Variants in BMS1 observed in about 807,000 individuals in gnomAD.
BMS1 encodes the protein BMS1 ribosome biogenesis factor.
In BMS1, 53 loss-of-function variants were observed where a neutral mutation model predicts 138.7. The ratio of observed to expected loss-of-function variants is 0.38; its 90% confidence interval spans 0.31 to 0.48. BMS1 has a LOEUF of 0.48. Among genes scored for constraint, BMS1 ranks in the 20% least tolerant of loss-of-function variants. BMS1 has a pLI of 0.97. For synonymous variants in BMS1, 504 were observed against 539.9 expected, an observed-to-expected ratio of 0.93 and a Z score of 0.92; for missense variants, 1,360 against 1,565.5, an observed-to-expected ratio of 0.87 and a Z score of 2.22.
intron 14 of BMS1, 29 bp from the exon 15 acceptor site, chr10:42,817,289 C>T (rs1165537154): frequency 4.0e-6 from 6 of 1,502,638 alleles, no homozygotes; most frequent in Non-Finnish European, 5.4e-6. Context: ...CATAAACATA[C>T]ACAAAATTTT....
At chr10:42,792,354 G>A in intron 6 of BMS1, 139 bp from the exon 7 acceptor site, 2 of 1,176,586 alleles carry the variant, frequency 1.7e-6, no homozygotes, top group Non-Finnish European at 2.4e-6. Flanking sequence ...ATGGTGAATG[G>A]TGCCTCCTTA....
At chr10:42,797,603 C>G in intron 11 of BMS1, 80 bp downstream of exon 11, 1 of 1,399,730 alleles carries the variant, frequency 7.1e-7, no homozygotes. Context: ...GAGGATTCGG[C>G]TGGTATTGTT....
intron 13 of BMS1, among the ~76,000 whole-genome samples, chr10:42,806,852 G>T (rs1451462644): frequency 7.4e-5 from 11 of 149,530 alleles, no homozygotes; most frequent in Admixed American, 7.3e-4. Context: ...ACATGCACGT[G>T]TAAGAACAAA....
chr10:42,830,395 C>T lies in BMS1; in HGVS notation c.3591C>T (p.Ala1197=), dbSNP rs377058786. The T allele has an allele frequency of 1.4e-4, 223 of 1,610,816 alleles. 1 individual carries two copies. The Middle Eastern group carries it at 3.0e-3, about 21-fold the overall frequency. Residue 1197 remains alanine (A), a synonymous_variant, in exon 22 of 23, where the codon GCC becomes GCT. Transcript: ENST00000374518. ...GKVPKDRRRP[A]VIREPHERKI... Reference sequence around the variant, plus strand: ...TGCCAAAGGACAGGCGGAGACCGGCCGTCATACGCGAGCCTCATGAAAGAA... The same window carrying T: ...TGCCAAAGGACAGGCGGAGACCGGCTGTCATACGCGAGCCTCATGAAAGAA...
rs758882142 is a variant in BMS1 at position 42,831,036 on chromosome 10, G to C, written c.3789G>C (p.Gly1263=). 8.2e-6 allele frequency: 13 copies of C among 1,590,770 alleles called. No individual in the cohort carries two copies. The African/African-American group carries it at 1.6e-4, about 20-fold the overall frequency. ...DLRKKLFRIQ[G]QKERRNQKSS... is the part of the protein sequence containing the mutation. ...GGAAGAAGCTCTTCAGAATTCAGGG[G>C]CAGAAGGAAAGAAGAAACCAGAAGT... The change falls in exon 23 of 23, where the codon GGG becomes GGC. Residue 1263 remains glycine, a synonymous_variant. Coordinates refer to ENST00000374518, the MANE Select transcript of BMS1 (RefSeq NM_014753.4).
chr10:42,792,920 T>C (rs759346900), intron 7 of BMS1, 37 bp from the exon 8 acceptor site: 1 of 1,588,800 alleles, frequency 6.3e-7, no homozygotes, highest in Non-Finnish European at 8.6e-7. Flanking sequence ...TCTGACTTCT[T>C]GTCAGCTGAA....
intron 9 of BMS1, 75 bp from the exon 10 acceptor site, chr10:42,796,399 T>C: frequency 7.1e-7 from 1 of 1,406,416 alleles, no homozygotes; most frequent in Non-Finnish European, 9.6e-7. Context: ...TGTATTTTCA[T>C]TGACTATATT....
rs775003849 is a variant in BMS1, at chr10:42,816,632, CAG to C, written c.2364_2365del (p.Asp790ArgfsTer13). On this transcript the variant is annotated frameshift_variant, in exon 14 of 23. Coordinates refer to ENST00000374518, the MANE Select transcript of BMS1 (RefSeq NM_014753.4). LOFTEE classifies it high-confidence loss of function. ...TACGGTGACTTTGAAGACTTGGAAACAGGGGACGTGCACAAGGGAAAATCAGG... is the reference window on the plus strand; with the variant it reads ...TACGGTGACTTTGAAGACTTGGAAACGGGACGTGCACAAGGGAAAATCAGG... 6.8e-6 allele frequency: 11 copies of C among 1,611,380 alleles called. No individual in the cohort carries two copies. The highest frequency in any genetic ancestry group is 2.7e-5 in the African/African-American group (2 of 74,816).
In BMS1 at chr10:42,791,612, T is replaced by C. The variant is rs1564410213; in HGVS notation, c.637-15T>C. The C allele has an allele frequency of 1.3e-6, 2 of 1,579,338 alleles. No individual in the cohort carries two copies. The highest frequency in any genetic ancestry group is 1.7e-6 in the Non-Finnish European group (2 of 1,169,600). The stretch of plus-strand genomic sequence containing the variant: ...TTAATTGAAATTTAATTTTTAATTT[T>C]CCTCTAATGTTTAGGGTGCCAAGCT... On this transcript the variant is annotated splice_polypyrimidine_tract_variant and intron_variant, in intron 5 of 22. Coordinates refer to ENST00000374518, the MANE Select transcript of BMS1 (RefSeq NM_014753.4).
At chr10:42,827,162 C>G (rs1265459298) in intron 21 of BMS1, among the ~76,000 whole-genome samples, 6 of 152,278 alleles carry the variant, frequency 3.9e-5, no homozygotes, top group Middle Eastern at 6.8e-3. Context: ...CGTGTTTCCT[C>G]TCTTGCCATG....
rs183031365 is a variant in BMS1, at chr10:42,806,689, C to A, written c.2329+4471C>A. On this transcript the variant is annotated intron_variant, in intron 13 of 22. Transcript: ENST00000374518. The stretch of plus-strand genomic sequence containing the variant: ...GGCAGAGGTTGCAGTAAGCTGAGAT[C>A]GCGCCACTGTACTCCAGCCTGGGCG... 6.5e-4 allele frequency among the ~76,000 whole-genome samples: 96 copies of A among 147,278 alleles called. No individual in the cohort carries two copies. In the Middle Eastern group the frequency reaches 0.024, roughly 37 times the overall value.
At chr10:42,830,551 A>G in intron 22 of BMS1, 129 bp downstream of exon 22, 1 of 1,282,472 alleles carries the variant, frequency 7.8e-7, no homozygotes, top group Non-Finnish European at 1.1e-6. Context: ...AGGAAGAGCC[A>G]GAGTCCATTT....
At chr10:42,803,704 G>T (rs7086238) in intron 13 of BMS1, among the ~76,000 whole-genome samples, 71,519 of 151,940 alleles carry the variant, frequency 0.47, 17,488 homozygotes, top group East Asian at 0.63. Context: ...TTAAGAATCG[G>T]CTTTTCTGTT....
chr10:42,821,764 A>G (rs1365158372), intron 18 of BMS1, among the ~76,000 whole-genome samples: 2 of 151,794 alleles, frequency 1.3e-5, no homozygotes, highest in African/African-American at 4.8e-5. Flanking sequence ...TGTTGGCCAG[A>G]CTGGTCTTGA....
At position 42,802,293 on chromosome 10, in the gene BMS1, T is replaced by G. The variant is rs1478670018; in HGVS notation, c.2329+75T>G. ...TTTTCTTCAGTATCTTAGACAATAG[T>G]CAAATTGAAAATAATAGTCACTTGT... On this transcript the variant is annotated intron_variant, in intron 13 of 22. Coordinates refer to ENST00000374518, the MANE Select transcript of BMS1 (RefSeq NM_014753.4). 9 of 1,317,296 alleles carry G rather than the reference T, an allele frequency of 6.8e-6. No individual in the cohort carries two copies. In the East Asian group the frequency reaches 2.0e-4, roughly 29 times the overall value. 81.6% of individuals were successfully genotyped at this position (1,317,296 alleles called of 1,614,324 possible). A position where few individuals can be genotyped will look rare whatever the true frequency, so the allele number is the denominator to read the frequency against.
At chr10:42,816,240 A>C (rs1381919226) in intron 13 of BMS1, among the ~76,000 whole-genome samples, 4 of 152,150 alleles carry the variant, frequency 2.6e-5, no homozygotes, top group African/African-American at 9.7e-5. Context: ...CGGAGGTTGC[A>C]GTGAGCTGAG....
chr10:42,831,174 T>A lies in BMS1; in HGVS notation c.*78T>A, dbSNP rs2132401405. 1 of 1,394,336 alleles carries A rather than the reference T, an allele frequency of 7.2e-7. No homozygotes were observed. Among genetic ancestry groups the A allele is most frequent in the African/African-American group, 1.4e-5 (1 of 68,968 alleles). 86.4% of individuals were successfully genotyped at this position (1,394,336 alleles called of 1,614,324 possible). ...ACATCACAGTTTGAATGCCTGTGAATGACAAGTCAGTGGGAAAGAGCTCAA... is the reference window on the plus strand; with the variant it reads ...ACATCACAGTTTGAATGCCTGTGAAAGACAAGTCAGTGGGAAAGAGCTCAA... On this transcript the variant is annotated 3_prime_UTR_variant, in exon 23 of 23. Coordinates refer to ENST00000374518, the MANE Select transcript of BMS1 (RefSeq NM_014753.4).
At chr10:42,811,976 A>G (rs1002276061) in intron 13 of BMS1, among the ~76,000 whole-genome samples, 7 of 152,204 alleles carry the variant, frequency 4.6e-5, no homozygotes, top group Non-Finnish European at 1.0e-4. Flanking sequence ...TTCTGAGAAC[A>G]TATTCTTATG....
At position 42,834,286 on chromosome 10, in the gene BMS1, TATC is replaced by T. The variant is rs1301155120; in HGVS notation, c.*3193_*3195del. 2 of 152,168 alleles carry T rather than the reference TATC, an allele frequency of 1.3e-5. No homozygotes were observed. Among genetic ancestry groups the T allele is most frequent in the Non-Finnish European group, 2.9e-5 (2 of 68,044 alleles). The allele number at this position is 152,168 out of a possible 1,614,324, so 9.4% of individuals were successfully genotyped here. On this transcript the variant is annotated 3_prime_UTR_variant, in exon 23 of 23. Coordinates refer to ENST00000374518, the MANE Select transcript of BMS1 (RefSeq NM_014753.4). Reference sequence around the variant, plus strand: ...AAACCTGTGAACTTGCTTTAAGTATTATCATTTGGTGACATGCCCGCCATTTCA... The same window carrying T: ...AAACCTGTGAACTTGCTTTAAGTATTATTTGGTGACATGCCCGCCATTTCA...
Sources: allele counts gnomAD v4.1 joint callset (sites outside exome capture counted in the v4.1 genomes callset), GRCh38; gene constraint gnomAD v4.1.1; transcripts MANE v1.5; gene names NCBI Gene and HGNC (gene_info 2026-07-23, HGNC 2026-07-21).